Variants in TRAF3IP1 observed in about 807,000 individuals in gnomAD.
TRAF3IP1 encodes TRAF3-interacting protein 1.
Under a neutral mutation model 89.9 loss-of-function variants are expected in TRAF3IP1, and 53 were observed. That is an observed-to-expected ratio of 0.59 (90% CI 0.47 to 0.74). TRAF3IP1 has a LOEUF of 0.74. Ranked by LOEUF, TRAF3IP1 falls within the 30% of genes least tolerant of loss-of-function variation. The pLI is 0.00. For synonymous variants in TRAF3IP1, 311 were observed against 322.1 expected (o/e 0.97, Z 0.37); for missense variants, 806 against 866.1 (o/e 0.93, Z 0.87).
chr2:238,361,145 C>T (rs1017677764), intron 15 of TRAF3IP1, among the ~76,000 whole-genome samples: 4 of 151,486 alleles, frequency 2.6e-5, no homozygotes, highest in African/African-American at 9.7e-5. Flanking sequence ...CTCCCAGGCT[C>T]AAGTGATCCT....
At chr2:238,362,988 C>T (rs888676403) in intron 15 of TRAF3IP1, among the ~76,000 whole-genome samples, 10 of 152,212 alleles carry the variant, frequency 6.6e-5, no homozygotes, top group African/African-American at 2.4e-4. Flanking sequence ...TCATGTCTTA[C>T]AGTCATGGCA....
chr2:238,342,432 C>T (rs1011238129), intron 8 of TRAF3IP1, among the ~76,000 whole-genome samples: 4 of 151,878 alleles, frequency 2.6e-5, no homozygotes, highest in Admixed American at 1.3e-4. Flanking sequence ...TTCTTTCTCT[C>T]GGTGTGAACT....
At chr2:238,357,626 G>A (rs1030078834) in intron 15 of TRAF3IP1, among the ~76,000 whole-genome samples, 1 of 152,346 alleles carries the variant, frequency 6.6e-6, no homozygotes, top group Non-Finnish European at 1.5e-5. Context: ...TTGCCTTGCT[G>A]AAAGGAGAAA....
chr2:238,396,488 C>G (rs1701228635), intron 15 of TRAF3IP1, among the ~76,000 whole-genome samples: 2 of 150,066 alleles, frequency 1.3e-5, no homozygotes, highest in African/African-American at 2.5e-5. Context: ...ATGTAACAAA[C>G]CTGCACATTG....
At chr2:238,360,553 C>T (rs1382322886) in intron 15 of TRAF3IP1, among the ~76,000 whole-genome samples, 1 of 152,118 alleles carries the variant, frequency 6.6e-6, no homozygotes, top group East Asian at 1.9e-4. Context: ...AGTTTCAGTT[C>T]CTTCACATCC....
intron 15 of TRAF3IP1, among the ~76,000 whole-genome samples, chr2:238,364,844 C>G (rs1249911667): frequency 6.6e-6 from 1 of 152,148 alleles, no homozygotes; most frequent in Non-Finnish European, 1.5e-5. Context: ...CATATCTTGT[C>G]CTGGTGAGAA....
intron 15 of TRAF3IP1, among the ~76,000 whole-genome samples, chr2:238,385,378 G>A (rs190576634): frequency 1.6e-4 from 25 of 152,172 alleles, no homozygotes; most frequent in African/African-American, 4.3e-4. Context: ...TTCCTGAACC[G>A]GATAAAATCA....
Position 238,361,793 on chromosome 2 carries a change from CTTG to C in TRAF3IP1, c.1689+5718_1689+5720del, listed in dbSNP as rs368028809. On this transcript the variant is annotated intron_variant, in intron 15 of 16. Coordinates refer to ENST00000373327, the MANE Select transcript of TRAF3IP1 (RefSeq NM_015650.4). Reference sequence around the variant, plus strand: ...CAGTTTGTGTGGTTCCATGAAAAACCTTGTTGTGATTTTGACCGGAATCGTATT... The same window carrying C: ...CAGTTTGTGTGGTTCCATGAAAAACCTTGTGATTTTGACCGGAATCGTATT... Among the ~76,000 whole-genome samples, 414 of 150,084 alleles carry C rather than the reference CTTG, an allele frequency of 2.8e-3. 2 individuals are homozygous for C. Among genetic ancestry groups the C allele is most frequent in the African/African-American group, 9.8e-3 (390 of 39,708 alleles).
intron 1 of TRAF3IP1, 92 bp downstream of exon 1, chr2:238,320,877 G>A: frequency 1.8e-6 from 2 of 1,127,494 alleles, no homozygotes; most frequent in Non-Finnish European, 2.2e-6. Context: ...CCGGGTGCGA[G>A]CCGGGCTCGG....
At position 238,345,774 on chromosome 2, in the gene TRAF3IP1, G is replaced by C. The variant is rs74851014; in HGVS notation, c.1261+1176G>C. On this transcript the variant is annotated intron_variant, in intron 9 of 16. Transcript: ENST00000373327. The surrounding 1 kb of genome is among the most constrained non-coding windows in gnomAD (Gnocchi z 4.7). ...GAGAGGAGCTGTGAGAGTTGCTGGC[G>C]CTGGGTGATGGCAGGAGCCTGGGTG... Among the ~76,000 whole-genome samples, 2 of 152,078 alleles carry C rather than the reference G, an allele frequency of 1.3e-5. No homozygotes were observed. Among genetic ancestry groups the C allele is most frequent in the Admixed American group, 1.3e-4 (2 of 15,272 alleles).
rs115037942 is a variant in TRAF3IP1 at position 238,349,319 on chromosome 2, G to T, written c.1368-6G>T. 5.0e-4 allele frequency: 808 copies of T among 1,614,030 alleles called. 1 individual carries two copies. In the African/African-American group the frequency reaches 9.2e-3, roughly 18 times the overall value. ...CCTTTTTTGGTTTTCCAATATTTGGGTTTAGAAGAATTCCTCGGCCTGGGA... is the reference window on the plus strand; with the variant it reads ...CCTTTTTTGGTTTTCCAATATTTGGTTTTAGAAGAATTCCTCGGCCTGGGA... On this transcript the variant is annotated splice_region_variant and splice_polypyrimidine_tract_variant and intron_variant, in intron 11 of 16. Transcript: ENST00000373327.
intron 7 of TRAF3IP1, among the ~76,000 whole-genome samples, chr2:238,334,985 T>C (rs1436664093): frequency 6.6e-6 from 1 of 152,236 alleles, no homozygotes; most frequent in Non-Finnish European, 1.5e-5. Flanking sequence ...ATGGTCCTTG[T>C]CATCGCGTGT....
At chr2:238,341,532 C>CTTT (rs781399446) in intron 8 of TRAF3IP1, among the ~76,000 whole-genome samples, 2 of 110,252 alleles carry the variant, frequency 1.8e-5, no homozygotes, top group African/African-American at 9.6e-5. Context: ...TTTTTCTATT[C>CTTT]TTTTTTTTTT....
chr2:238,324,937 A>G (rs1373925120), intron 1 of TRAF3IP1, among the ~76,000 whole-genome samples: 1 of 151,962 alleles, frequency 6.6e-6, no homozygotes, highest in Non-Finnish European at 1.5e-5. Context: ...GTGCATCCGA[A>G]ATGTCCCCTT....
rs187945821 is a variant in TRAF3IP1 at position 238,374,165 on chromosome 2, G to A, written c.1689+18085G>A. ...TGCCCTGGCCGGAACTTCCAACACT[G>A]TGTTGAATAGGAGTGGTGAGAGAGG... On this transcript the variant is annotated intron_variant, in intron 15 of 16. Transcript: ENST00000373327. Among the ~76,000 whole-genome samples the A allele has an allele frequency of 3.9e-3, 601 of 152,250 alleles. 5 individuals carry two copies. Among genetic ancestry groups the A allele is most frequent in the Non-Finnish European group, 7.3e-3 (497 of 68,020 alleles).
chr2:238,338,299 T>A, intron 7 of TRAF3IP1, 63 bp from the exon 8 acceptor site: 1 of 1,068,600 alleles, frequency 9.4e-7, no homozygotes. Flanking sequence ...AAATCCCAGC[T>A]AAAACAACCA....
At chr2:238,387,988 G>C (rs1700842549) in intron 15 of TRAF3IP1, among the ~76,000 whole-genome samples, 1 of 152,188 alleles carries the variant, frequency 6.6e-6, no homozygotes, top group Non-Finnish European at 1.5e-5. Context: ...GGGAGGCTGA[G>C]ATGGAAGGAT....
intron 8 of TRAF3IP1, among the ~76,000 whole-genome samples, chr2:238,340,846 TAGAGAGAGAGAGAC>T (rs1208257417): frequency 1.3e-5 from 2 of 150,328 alleles, no homozygotes; most frequent in African/African-American, 2.5e-5. Context: ...TATATATATA[TAGAGAGAGAGAGAC>T]AGAGAGACAG....
intron 7 of TRAF3IP1, among the ~76,000 whole-genome samples, chr2:238,336,251 GATTTT>G: frequency 6.6e-6 from 1 of 152,306 alleles, no homozygotes; most frequent in Non-Finnish European, 1.5e-5. Flanking sequence ...GGTCTTAAGA[GATTTT>G]ATTAGCAGAC....
Sources: gnomAD v4.1 joint callset for allele counts (sites outside exome capture counted in the v4.1 genomes callset) on GRCh38, gnomAD v4.1.1 for gene constraint, Gnocchi (gnomAD v3.1) non-coding constraint, MANE v1.5 for transcripts, NCBI Gene and HGNC (gene_info 2026-07-23, HGNC 2026-07-21) for gene names.